The following GABRR3 variants were observed in gnomAD, a reference collection of about 807,000 sequenced individuals.
GABRR3 encodes gamma-aminobutyric acid receptor subunit rho-3.
In GABRR3, 29 loss-of-function variants were observed where a neutral mutation model predicts 43.2. That is an observed-to-expected ratio of 0.67 (90% confidence interval 0.50 to 0.92). The LOEUF is 0.92. GABRR3 is among the 40% of genes least tolerant of loss of function. The pLI, the probability that GABRR3 is intolerant of heterozygous loss-of-function variation, is 0.00. For missense variants in GABRR3, 576 were observed against 572.3 expected (o/e 1.01, Z -0.07); for synonymous variants, 206 against 195.9 (o/e 1.05, Z -0.43).
chr3:98,020,582 C>T (rs538445074), intron 3 of GABRR3, among the ~76,000 whole-genome samples: 95 of 151,842 alleles, frequency 6.3e-4, no homozygotes, highest in African/African-American at 2.3e-3. Flanking sequence ...TAGTTGCTGA[C>T]AACTGTCTCT....
intron 8 of GABRR3, 187 bp downstream of exon 8, chr3:98,001,428 C>A: frequency 1.7e-6 from 1 of 596,920 alleles, no homozygotes; most frequent in Non-Finnish European, 2.9e-6. Context: ...TCCGGGTTCC[C>A]AAGGAAAGAA....
rs769352971 is a variant in GABRR3, at chr3:98,001,752, A to T, written c.770T>A (p.Leu257His). 2.5e-6 allele frequency: 4 copies of T among 1,613,128 alleles called. No individual in the cohort carries two copies. The East Asian group carries it at 6.7e-5, about 27-fold the overall frequency. Residue 257 changes from leucine (L) to histidine (H), a missense_variant, in exon 8 of 10, where the codon CTT (leucine) becomes CAT (histidine). By Grantham distance (99) the Leu-to-His change is moderately conservative. Coordinates refer to ENST00000621172, the Ensembl canonical transcript of GABRR3. ...CCTCCTTAGCACAAAGTTGATGAAA[A>T]GCCTATTGTACCAACCTGTGGAAAA... is the stretch of plus-strand genomic sequence containing the variant.
chr3:98,009,103 A>T (rs994127470), intron 5 of GABRR3, 65 bp from the exon 6 acceptor site: 2 of 1,001,512 alleles, frequency 2.0e-6, no homozygotes, highest in Non-Finnish European at 3.1e-6. Context: ...TGAGCATGCA[A>T]CATTGAAGCT....
chr3:98,017,395 T>C (rs1706884933), intron 4 of GABRR3, among the ~76,000 whole-genome samples: 1 of 152,184 alleles, frequency 6.6e-6, no homozygotes, highest in Non-Finnish European at 1.5e-5. Context: ...TTGGTAAATA[T>C]ATCATGATGT....
In GABRR3 at chr3:98,025,534, T is replaced by G. The variant is rs749831416; in HGVS notation, c.238+33A>C. 9.6e-6 allele frequency: 14 copies of G among 1,459,268 alleles called. No individual in the cohort carries two copies. The Admixed American group carries it at 2.5e-4, about 26-fold the overall frequency. The allele number at this position is 1,459,268 out of a possible 1,614,324, so 90.4% of individuals were successfully genotyped here. On this transcript the variant is annotated intron_variant, in intron 3 of 9. Transcript: ENST00000621172. ...ACCTCCATTTTGACAGTGCAATGGG[T>G]TTTGAAATGAATTTTGAGAGGATAA... is the stretch of plus-strand genomic sequence containing the variant.
intron 3 of GABRR3, among the ~76,000 whole-genome samples, chr3:98,022,830 G>T (rs1706964460): frequency 6.6e-6 from 1 of 152,036 alleles, no homozygotes; most frequent in African/African-American, 2.4e-5. Context: ...ACCCTACGAA[G>T]TCGCCTCGGG....
At chr3:98,017,782 T>A in intron 3 of GABRR3, 60 bp from the exon 4 acceptor site, 1 of 1,206,350 alleles carries the variant, frequency 8.3e-7, no homozygotes. Context: ...TTAAAACCAT[T>A]TAAAACAGAG....
intron 2 of GABRR3, among the ~76,000 whole-genome samples, chr3:98,030,527 C>A (rs540316557): frequency 6.6e-6 from 1 of 152,126 alleles, no homozygotes; most frequent in Non-Finnish European, 1.5e-5. Context: ...CAGGATTAGA[C>A]GTGAGCTTGG....
At chr3:98,026,612 T>TCATCATTAGCATCATCATCATCATTAG (rs142635806) in intron 2 of GABRR3, among the ~76,000 whole-genome samples, 1 of 150,506 alleles carries the variant, frequency 6.6e-6, no homozygotes, top group Admixed American at 6.6e-5. Context: ...GTCATCATCA[T>TCATCATTAGCATCATCATCATCATTAG]CATCATCATC....
chr3:98,007,820 T>C, exon 7 of GABRR3: 1 of 1,613,158 alleles, frequency 6.2e-7, no homozygotes, highest in Non-Finnish European at 8.5e-7. Context: ...AATGAAGAAC[T>C]GAGAAAGGGA....
At chr3:98,009,951 A>G (rs1220180916) in intron 5 of GABRR3, among the ~76,000 whole-genome samples, 1 of 152,206 alleles carries the variant, frequency 6.6e-6, no homozygotes, top group Non-Finnish European at 1.5e-5. Flanking sequence ...TTCATAGTAC[A>G]TGTGAGTGAC....
At chr3:98,024,627 G>T (rs1706990081) in intron 3 of GABRR3, among the ~76,000 whole-genome samples, 1 of 152,256 alleles carries the variant, frequency 6.6e-6, no homozygotes, top group East Asian at 1.9e-4. Context: ...GGCTGTATCT[G>T]TTATACTGCC....
exon 2 of GABRR3, chr3:98,034,890 C>T (rs532906761): frequency 3.0e-5 from 48 of 1,613,030 alleles, no homozygotes; most frequent in South Asian, 2.5e-4. Context: ...AGAGGAGCAC[C>T]GCTGGTGTGT....
chr3:98,011,034 A>C (rs1706783583), intron 5 of GABRR3, among the ~76,000 whole-genome samples: 1 of 152,176 alleles, frequency 6.6e-6, no homozygotes, highest in South Asian at 2.1e-4. Context: ...CAGAAGGCAG[A>C]GGCTGCAGTG....
At chr3:98,031,542 T>C (rs1707086467) in intron 2 of GABRR3, among the ~76,000 whole-genome samples, 1 of 151,990 alleles carries the variant, frequency 6.6e-6, no homozygotes, top group African/African-American at 2.4e-5. Context: ...GCCAGGAGTT[T>C]GAGTCCAGCC....
intron 3 of GABRR3, among the ~76,000 whole-genome samples, chr3:98,025,259 A>G (rs1248696676): frequency 6.6e-6 from 1 of 152,266 alleles, no homozygotes; most frequent in East Asian, 1.9e-4. Context: ...TTTTATAAAT[A>G]ACATGTATCC....
chr3:98,012,520 C>A (rs754719728), exon 5 of GABRR3: 4 of 1,613,940 alleles, frequency 2.5e-6, no homozygotes, highest in Non-Finnish European at 3.4e-6. Context: ...GAAAGGAGAG[C>A]CTCTCGTCTT....
At chr3:97,986,164 C>T (rs1236529095), downstream of GABRR3, among the ~76,000 whole-genome samples, 1 of 152,108 alleles carries the variant, frequency 6.6e-6, no homozygotes, top group Non-Finnish European at 1.5e-5. Context: ...CGGCACCTGG[C>T]CTGAAACAAT....
At chr3:98,023,937 GC>G (rs1402051511) in intron 3 of GABRR3, among the ~76,000 whole-genome samples, 1 of 152,124 alleles carries the variant, frequency 6.6e-6, no homozygotes, top group African/African-American at 2.4e-5. Flanking sequence ...CAAATGGTTG[GC>G]CCCACCCAGA....
Sources: allele counts gnomAD v4.1 joint callset (sites outside exome capture counted in the v4.1 genomes callset), GRCh38; gene constraint gnomAD v4.1.1; transcripts MANE v1.5; gene names NCBI Gene and HGNC (gene_info 2026-07-23, HGNC 2026-07-21).